Variants in HSF2 observed in about 807,000 individuals in gnomAD.
HSF2 encodes the protein heat shock transcription factor 2, also known as heat shock factor protein 2.
A neutral mutation model predicts 65.0 loss-of-function variants in HSF2; 21 were observed. The observed-to-expected ratio is 0.32, with a 90% CI of 0.23 to 0.47. The LOEUF is 0.47. Ranked by LOEUF, HSF2 falls within the 20% of genes least tolerant of loss-of-function variation. The pLI, the probability that HSF2 is intolerant of heterozygous loss-of-function variation, is 1.00. For missense variants in HSF2, 499 were observed against 628.1 expected (o/e 0.79, Z 2.20); for synonymous variants, 225 against 219.1 (o/e 1.03, Z -0.24).
Position 122,432,966 on chromosome 6 carries a change from G to A in HSF2, c.*746G>A, listed in dbSNP as rs1035526808. On this transcript the variant is annotated 3_prime_UTR_variant, in exon 13 of 13. Transcript: ENST00000368455. ...AATACAATGAATGTTGAGTACTAGT[G>A]TCTGTTATGTGTCTTCTTTAGAGGT... 1.3e-5 allele frequency: 2 copies of A among 152,070 alleles called. No homozygotes were observed. Among genetic ancestry groups the A allele is most frequent in the African/African-American group, 4.8e-5 (2 of 41,412 alleles). 9.4% of individuals were successfully genotyped at this position (152,070 alleles called of 1,614,324 possible).
intron 6 of HSF2, 129 bp from the exon 7 acceptor site, chr6:122,420,006 A>G: frequency 1.3e-6 from 1 of 757,450 alleles, no homozygotes; most frequent in East Asian, 3.3e-5. Context: ...AAGTTTATTT[A>G]TTGTTACTGA....
intron 1 of HSF2, among the ~76,000 whole-genome samples, chr6:122,403,627 CAGAA>C (rs1014105871): frequency 1.3e-5 from 2 of 152,158 alleles, no homozygotes; most frequent in African/African-American, 2.4e-5. Flanking sequence ...CAACAAAAAA[CAGAA>C]AGAAAAGAAA....
intron 11 of HSF2, among the ~76,000 whole-genome samples, 178 bp from the exon 12 acceptor site, chr6:122,431,252 C>T (rs1389977307): frequency 5.9e-5 from 9 of 152,044 alleles, no homozygotes; most frequent in Non-Finnish European, 8.8e-5. Flanking sequence ...GCAATAGTTC[C>T]TTAACCAGTC....
At position 122,401,374 on chromosome 6, in the gene HSF2, C is replaced by G. The variant is rs113499367; in HGVS notation, c.93+1544C>G. On this transcript the variant is annotated intron_variant, in intron 1 of 12. Coordinates refer to ENST00000368455, the MANE Select transcript of HSF2 (RefSeq NM_004506.4). ...GTGTTAGAGATTGGACTGAGATTCT[C>G]TCCCCACGAAAGCTGACTTTATCAT... Among the ~76,000 whole-genome samples the G allele has an allele frequency of 9.4e-3, 1,429 of 152,282 alleles. 18 individuals carry two copies. Among genetic ancestry groups the G allele is most frequent in the African/African-American group, 0.032 (1,320 of 41,538 alleles).
At chr6:122,422,322 G>A (rs1387081704) in intron 8 of HSF2, 24 bp downstream of exon 8, 2 of 1,514,356 alleles carry the variant, frequency 1.3e-6, no homozygotes, top group Non-Finnish European at 1.8e-6. Context: ...GAGATAAAAT[G>A]TATGAAAATA....
At chr6:122,410,713 G>A (rs1441343138) in intron 1 of HSF2, among the ~76,000 whole-genome samples, 2 of 151,786 alleles carry the variant, frequency 1.3e-5, no homozygotes, top group African/African-American at 4.8e-5. Flanking sequence ...TGTTTTCAAA[G>A]TTCTTTTCAT....
At position 122,418,142 on chromosome 6, in the gene HSF2, G is replaced by A. The variant is rs45515396; in HGVS notation, c.532-1026G>A. 2.6e-3 allele frequency among the ~76,000 whole-genome samples: 397 copies of A among 152,266 alleles called. 4 individuals carry two copies. Among genetic ancestry groups the A allele is most frequent in the African/African-American group, 9.0e-3 (375 of 41,556 alleles). ...CTTATAAGCACACTTTCTGCACAGA[G>A]TCTAAATAGTGCTCCAATCAATTTT... On this transcript the variant is annotated intron_variant, in intron 5 of 12. Coordinates refer to ENST00000368455, the MANE Select transcript of HSF2 (RefSeq NM_004506.4).
At chr6:122,407,281 A>G (rs1023348626) in intron 1 of HSF2, among the ~76,000 whole-genome samples, 13 of 152,310 alleles carry the variant, frequency 8.5e-5, no homozygotes, top group Admixed American at 6.5e-4. Flanking sequence ...TAAGGTCTGT[A>G]CACTCATGTG....
chr6:122,424,896 C>T (rs1045033489), intron 10 of HSF2, among the ~76,000 whole-genome samples: 1 of 152,054 alleles, frequency 6.6e-6, no homozygotes, highest in African/African-American at 2.4e-5. Flanking sequence ...AACTTTAAAA[C>T]ATTTGCCACA....
In HSF2 at chr6:122,432,178, T is replaced by A. The variant is rs529538099; in HGVS notation, c.1569T>A (p.Ala523=). Residue 523 remains alanine, a synonymous_variant, in exon 13 of 13, where the codon GCT becomes GCA. Coordinates refer to ENST00000368455, the MANE Select transcript of HSF2 (RefSeq NM_004506.4). ...CACTGTTTTATTTATGTGAACTTGC[T>A]CCTGCACCTCTGGATAGTGATATGC... The part of the protein sequence containing the change: ...EATLFYLCEL[A]PAPLDSDMPL... The A allele has an allele frequency of 8.7e-6, 14 of 1,614,090 alleles. No homozygotes were observed. The highest frequency in any genetic ancestry group is 6.7e-5 in the African/African-American group (5 of 75,052).
Position 122,399,761 on chromosome 6 carries a change from G to T in HSF2, c.24G>T (p.Pro8=), listed in dbSNP as rs368142355. The T allele has an allele frequency of 6.2e-7, 1 of 1,612,546 alleles. No homozygotes were observed. Among genetic ancestry groups the T allele is most frequent in the Non-Finnish European group, 8.5e-7 (1 of 1,179,380 alleles). The change falls in exon 1 of 13, where the codon CCG becomes CCT. Residue 8 remains proline, a synonymous_variant. Coordinates refer to ENST00000368455, the MANE Select transcript of HSF2 (RefSeq NM_004506.4). The part of the protein sequence containing the change: MKQSSNV[P]AFLSKLWTLV... ...CAATGAAGCAGAGTTCGAACGTGCC[G>T]GCTTTCCTCAGCAAGCTGTGGACGC... is the stretch of plus-strand genomic sequence containing the variant.
upstream of HSF2, chr6:122,399,557 C>G: frequency 3.5e-6 from 2 of 576,058 alleles, no homozygotes; most frequent in Admixed American, 3.2e-5. Flanking sequence ...GGAGACTTGT[C>G]CGTCACGTGC....
chr6:122,404,797 C>G (rs928939762), intron 1 of HSF2, among the ~76,000 whole-genome samples: 1 of 151,966 alleles, frequency 6.6e-6, no homozygotes, highest in Non-Finnish European at 1.5e-5. Flanking sequence ...TTTTTGCACT[C>G]AAAGAAGTTA....
At chr6:122,404,120 C>G (rs1309754150) in intron 1 of HSF2, among the ~76,000 whole-genome samples, 1 of 152,078 alleles carries the variant, frequency 6.6e-6, no homozygotes, top group East Asian at 1.9e-4. Context: ...TTTTTGTGCC[C>G]TTTGGCATTC....
chr6:122,408,948 C>T (rs1582607844), intron 1 of HSF2, among the ~76,000 whole-genome samples: 1 of 149,804 alleles, frequency 6.7e-6, no homozygotes, highest in South Asian at 2.1e-4. Flanking sequence ...TCCGGGGAAA[C>T]AGGAAATGGG....
At chr6:122,399,980 C>T (rs947728264) in intron 1 of HSF2, 150 bp downstream of exon 1, 19 of 616,606 alleles carry the variant, frequency 3.1e-5, no homozygotes, top group Non-Finnish European at 4.7e-5. Flanking sequence ...GCGGGGGACC[C>T]CCTGTATTGT....
At chr6:122,400,040 C>A (rs1450708397) in intron 1 of HSF2, among the ~76,000 whole-genome samples, 1 of 152,088 alleles carries the variant, frequency 6.6e-6, no homozygotes, top group Non-Finnish European at 1.5e-5. Context: ...TCTCCTCAGG[C>A]CGCGGTGGGG....
At chr6:122,400,064 C>T (rs534556027) in intron 1 of HSF2, among the ~76,000 whole-genome samples, 74 of 152,180 alleles carry the variant, frequency 4.9e-4, no homozygotes, top group Admixed American at 4.8e-3. Flanking sequence ...GGGCGGCCCG[C>T]GCGGGGCGTA....
Position 122,412,764 on chromosome 6 carries a change from G to A in HSF2, c.330G>A (p.Lys110=). The A allele has an allele frequency of 6.2e-7, 1 of 1,612,658 alleles. No homozygotes were observed. Among genetic ancestry groups the A allele is most frequent in the East Asian group, 2.2e-5 (1 of 44,824 alleles). Residue 110 remains lysine, a splice_region_variant and synonymous_variant, in exon 3 of 13, where the codon AAG becomes AAA. Transcript: ENST00000368455. ...ACTTGTTGGAGAACATTAAAAGGAA[G>A]GTGAGCTATTGTGAACGTGAGCTAA... ...QDDLLENIKR[K]VSSSKPEENK... is the part of the protein sequence containing the mutation.
Sources: gnomAD v4.1 joint callset for allele counts (sites outside exome capture counted in the v4.1 genomes callset) on GRCh38, gnomAD v4.1.1 for gene constraint, MANE v1.5 for transcripts, NCBI Gene and HGNC (gene_info 2026-07-23, HGNC 2026-07-21) for gene names.